The following PBRM1 variants were observed in gnomAD, a reference collection of about 807,000 sequenced individuals.
The protein encoded by PBRM1 is protein polybromo-1.
A neutral mutation model predicts 194.5 loss-of-function variants in PBRM1; 27 were observed. The ratio of observed to expected loss-of-function variants is 0.14; its 90% CI spans 0.10 to 0.19. PBRM1 has a LOEUF of 0.19. Among genes scored for constraint, PBRM1 ranks in the 10% least tolerant of loss-of-function variants. PBRM1 has a pLI of 1.00. For synonymous variants in PBRM1, 655 were observed against 693.2 expected (o/e 0.94, Z 0.87); for missense variants, 1,466 against 2,077.2 (o/e 0.71, Z 5.72).
chr3:52,546,438 G>A (rs2079687123), downstream of PBRM1: 1 of 229,342 alleles, frequency 4.4e-6, no homozygotes, highest in African/African-American at 2.2e-5. Context: ...TCCAGTGGTT[G>A]ACTAAAGGCA....
chr3:52,624,278 C>T (rs2095372697), intron 13 of PBRM1, among the ~76,000 whole-genome samples: 1 of 152,184 alleles, frequency 6.6e-6, no homozygotes, highest in African/African-American at 2.4e-5. Context: ...ACTGTAAGAG[C>T]AGAGTTTAGT....
intron 17 of PBRM1, among the ~76,000 whole-genome samples, chr3:52,592,179 GCTGGAGTGCAGTGGTGCGAT>G (rs1463374549): frequency 6.7e-6 from 1 of 148,834 alleles, no homozygotes; most frequent in African/African-American, 2.5e-5. Context: ...TGTCGCCCAG[GCTGGAGTGCAGTGGTGCGAT>G]CTTGGCTCAC....
At chr3:52,627,822 A>G (rs2095492266) in intron 12 of PBRM1, among the ~76,000 whole-genome samples, 1 of 152,238 alleles carries the variant, frequency 6.6e-6, no homozygotes, top group Non-Finnish European at 1.5e-5. Flanking sequence ...TCTGCCAAAC[A>G]GAGCTGAAAG....
chr3:52,586,743 T>TAAAA, intron 19 of PBRM1, 55 bp from the exon 22 acceptor site: 3 of 236,632 alleles, frequency 1.3e-5, no homozygotes, highest in Non-Finnish European at 1.2e-5. Flanking sequence ...TTTCTGAAAA[T>TAAAA]CAATCAAAAA....
rs1382570612 is a variant in PBRM1 at position 52,685,740 on chromosome 3, C to T, written c.-13+9G>A. 1 of 180,714 alleles carries T rather than the reference C, an allele frequency of 5.5e-6. No individual in the cohort carries two copies. Among genetic ancestry groups the T allele is most frequent in the Non-Finnish European group, 1.1e-5 (1 of 88,224 alleles). 11.2% of individuals were successfully genotyped at this position (180,714 alleles called of 1,614,324 possible). A position where few individuals can be genotyped will look rare whatever the true frequency, so the allele number is the denominator to read the frequency against. ...GGAGCGGCCCCACCCGCCCTGGGCC[C>T]GGCCTTACCCAGCCGCTCCGCCGCC... On this transcript the variant is annotated intron_variant, in intron 1 of 29. Coordinates refer to the PBRM1 transcript ENST00000394830.
chr3:52,660,988 A>T (rs1195773548), intron 4 of PBRM1, among the ~76,000 whole-genome samples: 1 of 152,034 alleles, frequency 6.6e-6, no homozygotes, highest in Non-Finnish European at 1.5e-5. Flanking sequence ...CCCCTCTACT[A>T]TTCTTTTTTC....
chr3:52,685,148 T>A (rs1338611052), intron 1 of PBRM1, among the ~76,000 whole-genome samples: 1 of 152,214 alleles, frequency 6.6e-6, no homozygotes, highest in Non-Finnish European at 1.5e-5. Context: ...TTCAGGGCTT[T>A]TTCTATATTT....
At position 52,627,389 on chromosome 3, in the gene PBRM1, C is replaced by G. The variant is rs767638673; in HGVS notation, c.1444-19G>C. 6.6e-7 allele frequency: 1 copy of G among 1,515,134 alleles called. No individual in the cohort carries two copies. Among genetic ancestry groups the G allele is most frequent in the Non-Finnish European group, 9.2e-7 (1 of 1,090,658 alleles). 93.9% of individuals were successfully genotyped at this position (1,515,134 alleles called of 1,614,324 possible). A position where few individuals can be genotyped will look rare whatever the true frequency, so the allele number is the denominator to read the frequency against. ...TCTTTGCCTAAAACAGAGCAGATCT[C>G]AGGAGTTGAGCTCATGTGCCAAACA... On this transcript the variant is annotated intron_variant, in intron 12 of 29. Transcript: ENST00000296302.
exon 11 of PBRM1, chr3:52,634,648 C>T (rs1343496358): frequency 6.2e-7 from 1 of 1,613,396 alleles, no homozygotes; most frequent in South Asian, 1.1e-5. Flanking sequence ...TGGTAATAAT[C>T]AGGGTATTTT....
intron 10 of PBRM1, among the ~76,000 whole-genome samples, chr3:52,635,339 G>A (rs912148755): frequency 1.5e-4 from 23 of 152,172 alleles, no homozygotes; most frequent in African/African-American, 4.6e-4. Context: ...AGGCCAAGGT[G>A]GGTGAATCAC....
intron 4 of PBRM1, among the ~76,000 whole-genome samples, chr3:52,658,892 G>A (rs1023615814): frequency 6.6e-6 from 1 of 152,148 alleles, no homozygotes; most frequent in Non-Finnish European, 1.5e-5. Flanking sequence ...TATTGCAATG[G>A]CAAAGTTTAA....
rs1464157273 is a variant in PBRM1, at chr3:52,609,539, G to A, written c.2341C>T (p.Leu781Phe). Reference sequence around the variant, plus strand: ...ACTGACACAAAAAGATTGTGGATAAGCTCTTGAATCAGCAAAGTCACATTT... The same window carrying A: ...ACTGACACAAAAAGATTGTGGATAAACTCTTGAATCAGCAAAGTCACATTT... The change falls in exon 16 of 30, where the codon CTT becomes TTT. Residue 781 changes from leucine (L) to phenylalanine (F), a missense_variant. By Grantham distance (22) the Leu-to-Phe change is conservative (BLOSUM62 0). This residue lies in a region of PBRM1 where 687 missense variants were observed against 946.2 expected (regional missense o/e 0.73). Coordinates refer to ENST00000296302, the Ensembl canonical transcript of PBRM1. This position sits in a 1 kb window ranked among gnomAD's most constrained non-coding sequence, Gnocchi z 4.1. The A allele has an allele frequency of 1.2e-6, 2 of 1,613,848 alleles. No individual in the cohort carries two copies. Among genetic ancestry groups the A allele is most frequent in the South Asian group, 2.2e-5 (2 of 91,060 alleles).
At chr3:52,664,091 G>A (rs938613870) in intron 3 of PBRM1, among the ~76,000 whole-genome samples, 4 of 150,916 alleles carry the variant, frequency 2.7e-5, no homozygotes, top group South Asian at 2.1e-4. Context: ...GCACGGTGGC[G>A]CACACCTGTA....
exon 11 of PBRM1, chr3:52,634,753 T>G (rs913417875): frequency 6.2e-7 from 1 of 1,614,064 alleles, no homozygotes; most frequent in Non-Finnish European, 8.5e-7. Flanking sequence ...TAAAAAGGAT[T>G]TGAAACATCC....
intron 20 of PBRM1, chr3:52,586,180 C>G (rs1032546612): frequency 9.7e-6 from 3 of 308,522 alleles, no homozygotes; most frequent in Admixed American, 9.2e-5. Context: ...GTGATCTGCC[C>G]GCCTTGGCCT....
rs772732558 is a variant in PBRM1 at position 52,609,285 on chromosome 3, C to T, written c.2567+28G>A. On this transcript the variant is annotated intron_variant, in intron 16 of 29. Transcript: ENST00000296302. The surrounding 1 kb of genome is among the most constrained non-coding windows in gnomAD (Gnocchi z 4.1). ...TTTTGTATTAAATAGCACATATCCT[C>T]AAAATAAAAATGGCTTTGAAAACAT... 1.3e-6 allele frequency: 2 copies of T among 1,566,534 alleles called. No homozygotes were observed. Among genetic ancestry groups the T allele is most frequent in the Non-Finnish European group, 1.7e-6 (2 of 1,144,604 alleles).
At chr3:52,644,195 T>A (rs184975532) in intron 8 of PBRM1, among the ~76,000 whole-genome samples, 6 of 152,126 alleles carry the variant, frequency 3.9e-5, no homozygotes, top group African/African-American at 1.4e-4. Context: ...TATATAGTGA[T>A]GTAAAGTTTT....
Position 52,603,736 on chromosome 3 carries a change from T to C in PBRM1, c.2568-4A>G. 6.2e-7 allele frequency: 1 copy of C among 1,602,002 alleles called. No individual in the cohort carries two copies. The highest frequency in any genetic ancestry group is 8.5e-7 in the Non-Finnish European group (1 of 1,172,966). ...TTCATATATTTCTGAATCTGTCCTA[T>C]AACAGCATCAAGAGTATCCATTGAC... On this transcript the variant is annotated splice_region_variant and splice_polypyrimidine_tract_variant and intron_variant, in intron 16 of 29. Coordinates refer to ENST00000296302, the Ensembl canonical transcript of PBRM1.
At chr3:52,654,247 A>T (rs1310247709) in intron 5 of PBRM1, among the ~76,000 whole-genome samples, 2 of 152,152 alleles carry the variant, frequency 1.3e-5, no homozygotes, top group African/African-American at 2.4e-5. Flanking sequence ...GGCTGAACAG[A>T]TTATCTCAGT....
Sources: allele counts gnomAD v4.1 joint callset (sites outside exome capture counted in the v4.1 genomes callset), GRCh38; gene constraint gnomAD v4.1.1; regional missense constraint gnomAD v4.1.1; non-coding constraint Gnocchi (gnomAD v3.1); transcripts MANE v1.5; gene names NCBI Gene and HGNC (gene_info 2026-07-23, HGNC 2026-07-21).